Variants in OTOGL observed in about 807,000 individuals in gnomAD.
OTOGL encodes otogelin-like protein.
OTOGL carries 285 observed loss-of-function variants against 318.5 expected under a neutral mutation model. The observed-to-expected ratio is 0.89, with a 90% CI of 0.81 to 0.99. OTOGL has a LOEUF of 0.99. Ranked by LOEUF, OTOGL falls within the 50% of genes least tolerant of loss-of-function variation. The pLI, the probability that OTOGL is intolerant of heterozygous loss-of-function variation, is 0.00. For missense variants in OTOGL, 2,899 were observed against 2,845.6 expected, an observed-to-expected ratio of 1.02 and a Z score of -0.43; for synonymous variants, 987 against 936.5, an observed-to-expected ratio of 1.05 and a Z score of -0.99.
chr12:80,100,052 G>T (rs1000290025), intron 1 of OTOGL, among the ~76,000 whole-genome samples: 4 of 152,128 alleles, frequency 2.6e-5, no homozygotes, highest in African/African-American at 9.7e-5. Context: ...CCCATTTTCT[G>T]TTACTCTTGG....
chr12:80,164,190 G>A (rs1272856737), intron 1 of OTOGL, among the ~76,000 whole-genome samples: 1 of 152,150 alleles, frequency 6.6e-6, no homozygotes, highest in Admixed American at 6.5e-5. Context: ...AGAATATGGA[G>A]ATGTTAGTTA....
intron 11 of OTOGL, among the ~76,000 whole-genome samples, chr12:80,243,113 A>G (rs1356068495): frequency 1.3e-5 from 2 of 152,164 alleles, no homozygotes; most frequent in Non-Finnish European, 2.9e-5. Context: ...TAAAAAATCC[A>G]TACCAAGACA....
intron 26 of OTOGL, among the ~76,000 whole-genome samples, chr12:80,285,783 G>T (rs111977338): frequency 1.3e-5 from 2 of 152,232 alleles, no homozygotes; most frequent in African/African-American, 4.8e-5. Flanking sequence ...CTGAGATGAT[G>T]GGATTTTCTA....
At chr12:80,151,698 A>G (rs1872793879) in intron 1 of OTOGL, among the ~76,000 whole-genome samples, 1 of 152,168 alleles carries the variant, frequency 6.6e-6, no homozygotes, top group African/African-American at 2.4e-5. Flanking sequence ...ATACTCTAGA[A>G]CAGAGGGAAT....
intron 1 of OTOGL, among the ~76,000 whole-genome samples, chr12:80,116,634 A>G (rs1870183882): frequency 6.6e-6 from 1 of 152,182 alleles, no homozygotes; most frequent in Non-Finnish European, 1.5e-5. Flanking sequence ...GCAAAAGCTT[A>G]GATGAAATTT....
intron 27 of OTOGL, among the ~76,000 whole-genome samples, chr12:80,300,676 A>G (rs1211199524): frequency 1.3e-5 from 2 of 152,132 alleles, no homozygotes; most frequent in Admixed American, 6.5e-5. Flanking sequence ...TTGAGGATGA[A>G]AGTTCTACTG....
At chr12:80,249,934 G>GCGTC (rs1344662383) in intron 11 of OTOGL, among the ~76,000 whole-genome samples, 6 of 152,042 alleles carry the variant, frequency 3.9e-5, no homozygotes, top group Admixed American at 6.6e-5. Context: ...TTTTCCAGGT[G>GCGTC]CGTCCGTCAG....
chr12:80,103,119 T>C (rs1869238682), intron 1 of OTOGL: 3 of 1,104,092 alleles, frequency 2.7e-6, no homozygotes, highest in Middle Eastern at 2.1e-4. Flanking sequence ...CCTGTAAACC[T>C]GGACCACTTT....
intron 27 of OTOGL, among the ~76,000 whole-genome samples, chr12:80,299,499 T>C (rs983709259): frequency 6.6e-6 from 1 of 151,294 alleles, no homozygotes; most frequent in Non-Finnish European, 1.5e-5. Flanking sequence ...AGAAAAGTCA[T>C]AAAAATAGTT....
intron 26 of OTOGL, among the ~76,000 whole-genome samples, chr12:80,280,776 G>A (rs771577760): frequency 3.1e-4 from 47 of 151,202 alleles, no homozygotes; most frequent in Non-Finnish European, 5.8e-4. Flanking sequence ...TTTGTAGATA[G>A]CTTTGGGAAG....
At chr12:80,165,309 T>A (rs1184870183) in intron 1 of OTOGL, among the ~76,000 whole-genome samples, 1 of 152,214 alleles carries the variant, frequency 6.6e-6, no homozygotes, top group Admixed American at 6.5e-5. Context: ...ATCTTTGCTG[T>A]GGACATATAT....
intron 55 of OTOGL, among the ~76,000 whole-genome samples, chr12:80,370,248 G>T (rs1234019272): frequency 1.3e-5 from 2 of 151,930 alleles, no homozygotes; most frequent in African/African-American, 4.8e-5. Flanking sequence ...TAATTTTGTA[G>T]TAGAAACAGA....
At chr12:80,325,231 T>A (rs1436469863) in intron 35 of OTOGL, among the ~76,000 whole-genome samples, 1 of 151,660 alleles carries the variant, frequency 6.6e-6, no homozygotes, top group South Asian at 2.1e-4. Context: ...CTATGGCAAA[T>A]GTTGCCAATA....
At chr12:80,157,146 G>T (rs1205081126) in intron 1 of OTOGL, among the ~76,000 whole-genome samples, 2 of 152,008 alleles carry the variant, frequency 1.3e-5, no homozygotes, top group Non-Finnish European at 2.9e-5. Context: ...TTGAGGTGAG[G>T]TGATATCTCA....
intron 1 of OTOGL, among the ~76,000 whole-genome samples, chr12:80,159,430 G>A (rs1873349022): frequency 6.6e-6 from 1 of 152,050 alleles, no homozygotes; most frequent in African/African-American, 2.4e-5. Context: ...TTGAATGTCT[G>A]ATAGAATTCA....
intron 29 of OTOGL, among the ~76,000 whole-genome samples, chr12:80,309,758 C>T (rs1196819386): frequency 6.6e-6 from 1 of 151,882 alleles, no homozygotes. Flanking sequence ...CGGGGAAGGA[C>T]AATGGTGTAG....
intron 19 of OTOGL, among the ~76,000 whole-genome samples, chr12:80,264,786 T>C (rs1219846499): frequency 7.4e-6 from 1 of 134,586 alleles, no homozygotes; most frequent in African/African-American, 2.4e-5. Context: ...TCAGGTACAA[T>C]ACACTATTTT....
At chr12:80,282,674 G>A (rs1461630521) in intron 26 of OTOGL, among the ~76,000 whole-genome samples, 1 of 151,760 alleles carries the variant, frequency 6.6e-6, no homozygotes, top group Non-Finnish European at 1.5e-5. Context: ...ATCCCCTGAG[G>A]TTTAGAGTAT....
chr12:80,366,524 T>A, intron 52 of OTOGL, 50 bp from the exon 53 acceptor site: 1 of 294,554 alleles, frequency 3.4e-6, no homozygotes, highest in Non-Finnish European at 5.7e-6. Context: ...TATATATATA[T>A]ATATATAAAA....
Sources: gnomAD v4.1 joint callset for allele counts (sites outside exome capture counted in the v4.1 genomes callset) on GRCh38, gnomAD v4.1.1 for gene constraint, MANE v1.5 for transcripts, NCBI Gene and HGNC (gene_info 2026-07-23, HGNC 2026-07-21) for gene names.